ASTN1: variants seen among roughly 807,000 people sequenced by gnomAD.
ASTN1 encodes the protein astrotactin 1.
In ASTN1, 41 loss-of-function variants were observed where a neutral mutation model predicts 140.7. The observed-to-expected ratio is 0.29, with a 90% CI of 0.23 to 0.38. The LOEUF is 0.38. Ranked by LOEUF, ASTN1 falls within the 10% of genes least tolerant of loss-of-function variation. ASTN1 has a pLI of 1.00. For missense variants in ASTN1, 1,479 were observed against 1,678.8 expected (o/e 0.88, Z 2.08); for synonymous variants, 640 against 652.2 (o/e 0.98, Z 0.29).
intron 1 of ASTN1, among the ~76,000 whole-genome samples, chr1:177,077,161 G>T (rs1163789971): frequency 6.6e-6 from 1 of 152,044 alleles, no homozygotes; most frequent in African/African-American, 2.4e-5. Context: ...TCTGCTGGGG[G>T]TGAAACCACC....
At chr1:176,965,410 G>C (rs1386644473) in intron 8 of ASTN1, among the ~76,000 whole-genome samples, 173 bp from the exon 9 acceptor site, 1 of 152,192 alleles carries the variant, frequency 6.6e-6, no homozygotes, top group Non-Finnish European at 1.5e-5. Context: ...CCTGGGACCT[G>C]ACGAAGAACA....
chr1:176,864,270 C>T lies in ASTN1; in HGVS notation c.*14G>A, dbSNP rs769290089. 22 of 1,611,836 alleles carry T rather than the reference C, an allele frequency of 1.4e-5. No individual in the cohort carries two copies. The African/African-American group carries it at 2.8e-4, about 21-fold the overall frequency. On this transcript the variant is annotated 3_prime_UTR_variant, in exon 23 of 23. Coordinates refer to ENST00000361833, the MANE Select transcript of ASTN1 (RefSeq NM_004319.3). ...CCTACTTCATTCTGGCAGCAGCTCC[C>T]TGGCCTTATGGTGCTAGATCTCTTT...
At position 177,024,647 on chromosome 1, in the gene ASTN1, AGAG is replaced by A. The variant is rs887956278; in HGVS notation, c.1203_1205del (p.Ser402del). On this transcript the variant is annotated inframe_deletion, in exon 6 of 23. Coordinates refer to ENST00000361833, the MANE Select transcript of ASTN1 (RefSeq NM_004319.3). ...TGACAACGAGAGGGCAGTTGACGTG[AGAG>A]GAGCACACGAGGCCAATCACACAGC... The A allele has an allele frequency of 1.9e-6, 3 of 1,614,094 alleles. No individual in the cohort carries two copies. Among genetic ancestry groups the A allele is most frequent in the Non-Finnish European group, 2.5e-6 (3 of 1,179,986 alleles).
Position 176,861,252 on chromosome 1 carries a change from A to G in ASTN1, c.*3032T>C, listed in dbSNP as rs567026539. 1 of 983,472 alleles carries G rather than the reference A, an allele frequency of 1.0e-6. No individual in the cohort carries two copies. Among genetic ancestry groups the G allele is most frequent in the African/African-American group, 1.7e-5 (1 of 57,292 alleles). The allele number at this position is 983,472 out of a possible 1,614,324, so 60.9% of individuals were successfully genotyped here. A position where few individuals can be genotyped will look rare whatever the true frequency, so the allele number is the denominator to read the frequency against. ...TTTAATAGAACATTTGAATATCAAG[A>G]AGTGTAGTTAACTAAAAAATAATGA... is the stretch of plus-strand genomic sequence containing the variant. On this transcript the variant is annotated 3_prime_UTR_variant, in exon 23 of 23. Coordinates refer to ENST00000361833, the MANE Select transcript of ASTN1 (RefSeq NM_004319.3).
intron 2 of ASTN1, among the ~76,000 whole-genome samples, chr1:177,057,670 T>C (rs1413199325): frequency 6.6e-6 from 1 of 152,250 alleles, no homozygotes; most frequent in Admixed American, 6.5e-5. Context: ...TTTCCAATTA[T>C]GCTATTTTGA....
At chr1:176,895,544 A>G (rs931701458) in intron 16 of ASTN1, among the ~76,000 whole-genome samples, 3 of 152,196 alleles carry the variant, frequency 2.0e-5, no homozygotes, top group African/African-American at 7.2e-5. Context: ...CTGCTTCATT[A>G]TTAATCAATG....
At chr1:177,148,950 A>G (rs1682844987) in intron 1 of ASTN1, among the ~76,000 whole-genome samples, 1 of 149,982 alleles carries the variant, frequency 6.7e-6, no homozygotes, top group Admixed American at 6.7e-5. Context: ...AGAGCTGAGT[A>G]TGCTTATAGG....
At chr1:176,961,260 T>A (rs1672647488) in intron 9 of ASTN1, among the ~76,000 whole-genome samples, 1 of 152,156 alleles carries the variant, frequency 6.6e-6, no homozygotes, top group Non-Finnish European at 1.5e-5. Flanking sequence ...AACTCTGGGT[T>A]TAAACGGATT....
chr1:176,947,018 C>G (rs536495560), intron 12 of ASTN1, among the ~76,000 whole-genome samples: 1 of 152,328 alleles, frequency 6.6e-6, no homozygotes, highest in South Asian at 2.1e-4. Context: ...TATTAAAGCA[C>G]ATCATTTATT....
Position 177,112,381 on chromosome 1 carries a change from C to T in ASTN1, c.284-51116G>A, listed in dbSNP as rs562368679. Reference sequence around the variant, plus strand: ...CAGGACCTCTCGCTCCTATCCGCCACGCCTTCTCTGAGCACCTGGTGGAGG... The same window carrying T: ...CAGGACCTCTCGCTCCTATCCGCCATGCCTTCTCTGAGCACCTGGTGGAGG... On this transcript the variant is annotated intron_variant, in intron 1 of 22. Coordinates refer to ENST00000361833, the MANE Select transcript of ASTN1 (RefSeq NM_004319.3). Among the ~76,000 whole-genome samples, 39 of 152,314 alleles carry T rather than the reference C, an allele frequency of 2.6e-4. No individual in the cohort carries two copies. In the South Asian group the frequency reaches 5.8e-3, roughly 23 times the overall value.
intron 1 of ASTN1, among the ~76,000 whole-genome samples, chr1:177,121,399 G>A (rs1347334252): frequency 6.6e-6 from 1 of 152,110 alleles, no homozygotes; most frequent in African/African-American, 2.4e-5. Flanking sequence ...TGGGAGAAAT[G>A]TGGCCCTTGA....
At chr1:177,031,312 T>A (rs558687522) in intron 3 of ASTN1, among the ~76,000 whole-genome samples, 1 of 152,336 alleles carries the variant, frequency 6.6e-6, no homozygotes, top group East Asian at 1.9e-4. Context: ...AATTTGAATT[T>A]GTGTGCATTC....
intron 21 of ASTN1, among the ~76,000 whole-genome samples, chr1:176,871,094 A>G (rs1196040868): frequency 6.6e-6 from 1 of 152,234 alleles, no homozygotes; most frequent in Non-Finnish European, 1.5e-5. Flanking sequence ...TACAGGAGGC[A>G]GAGTCATGGG....
rs75514839 is a variant in ASTN1, at chr1:176,935,251, A to G, written c.2483-911T>C. Among the ~76,000 whole-genome samples the G allele has an allele frequency of 6.9e-3, 1,048 of 152,322 alleles. 14 individuals carry two copies. Among genetic ancestry groups the G allele is most frequent in the African/African-American group, 0.024 (984 of 41,570 alleles). On this transcript the variant is annotated intron_variant, in intron 15 of 22. Coordinates refer to ENST00000361833, the MANE Select transcript of ASTN1 (RefSeq NM_004319.3). ...GTGCTGAGATCCACATCACAGCGACACCATTGTGTGACTTTGGACGGCATG... is the reference window on the plus strand; with the variant it reads ...GTGCTGAGATCCACATCACAGCGACGCCATTGTGTGACTTTGGACGGCATG...
At position 177,164,709 on chromosome 1, in the gene ASTN1, C is replaced by T; in HGVS notation, c.-33G>A. 6.6e-7 allele frequency: 1 copy of T among 1,507,380 alleles called. No homozygotes were observed. Among genetic ancestry groups the T allele is most frequent in the Non-Finnish European group, 8.8e-7 (1 of 1,131,076 alleles). 93.4% of individuals were successfully genotyped at this position (1,507,380 alleles called of 1,614,324 possible). On this transcript the variant is annotated 5_prime_UTR_variant, in exon 1 of 23. Coordinates refer to ENST00000361833, the MANE Select transcript of ASTN1 (RefSeq NM_004319.3). Reference sequence around the variant, plus strand: ...CCCGGCCGCCTTCCTCCTAGCGCTGCGATGGTGGGGGAGGAAGCGAGCGGG... The same window carrying T: ...CCCGGCCGCCTTCCTCCTAGCGCTGTGATGGTGGGGGAGGAAGCGAGCGGG...
At chr1:176,857,818 C>G (rs16850265), downstream of ASTN1, among the ~76,000 whole-genome samples, 9,137 of 152,214 alleles carry the variant, frequency 0.06, 936 homozygotes, top group African/African-American at 0.21. Flanking sequence ...CAGGACAAAA[C>G]GGCATGTAAG....
intron 1 of ASTN1, among the ~76,000 whole-genome samples, chr1:177,070,074 T>C (rs1558073273): frequency 6.6e-6 from 1 of 152,236 alleles, no homozygotes; most frequent in Non-Finnish European, 1.5e-5. Flanking sequence ...AAAATATGTA[T>C]TTACAGATCA....
chr1:176,884,242 TG>T, intron 19 of ASTN1, 96 bp downstream of exon 19: 3 of 1,419,794 alleles, frequency 2.1e-6, no homozygotes, highest in Non-Finnish European at 9.7e-7. Flanking sequence ...CCTGGGATAC[TG>T]GGGACCTGGA....
chr1:176,943,988 C>T lies in ASTN1; in HGVS notation c.2280G>A (p.Gln760=), dbSNP rs1327606333. The T allele has an allele frequency of 6.2e-7, 1 of 1,613,892 alleles. No homozygotes were observed. Among genetic ancestry groups the T allele is most frequent in the Non-Finnish European group, 8.5e-7 (1 of 1,179,962 alleles). Residue 760 remains glutamine (Q), a synonymous_variant, in exon 14 of 23, where the codon CAG becomes CAA. Coordinates refer to ENST00000361833, the MANE Select transcript of ASTN1 (RefSeq NM_004319.3). ...CCACCACAAGACCATCTGGCAGTTG[C>T]TGGTCTAAACCACGAGCAAAGTTGT... The part of the protein sequence containing the change: ...RQNNFARGLD[Q]QLPDGLVVAT...
Sources: gnomAD v4.1 joint callset for allele counts (sites outside exome capture counted in the v4.1 genomes callset) on GRCh38, gnomAD v4.1.1 for gene constraint, MANE v1.5 for transcripts, NCBI Gene and HGNC (gene_info 2026-07-23, HGNC 2026-07-21) for gene names.